Variants in AFG2A observed in about 807,000 individuals in gnomAD.
AFG2A encodes AAA ATPase AFG2A, also known as ATPase family gene 2 protein homolog A.
chr4:122,987,481 A>G, the AFG2A span, among the ~76,000 whole-genome samples: 1 of 149,354 alleles, frequency 6.7e-6, no homozygotes, highest in African/African-American at 2.5e-5. Flanking sequence ...GTTTTGTAGT[A>G]CCTTTGTTCC....
chr4:123,311,042 A>G, the AFG2A span, among the ~76,000 whole-genome samples: 2 of 152,178 alleles, frequency 1.3e-5, no homozygotes, highest in Admixed American at 6.5e-5. Context: ...GAAGTTCTCT[A>G]GGTCATCCCT....
chr4:123,012,218 T>G, the AFG2A span, among the ~76,000 whole-genome samples: 1,565 of 86,700 alleles, frequency 0.018, 39 homozygotes, highest in African/African-American at 0.067. Flanking sequence ...CCCAGGAAAG[T>G]GGAGAAAGGG....
the AFG2A span, among the ~76,000 whole-genome samples, chr4:122,996,857 G>A: frequency 6.6e-5 from 10 of 152,218 alleles, no homozygotes; most frequent in South Asian, 4.1e-4. Flanking sequence ...GCTGGAGAAC[G>A]TAGAGTCCCA....
At chr4:123,090,067 C>T in the AFG2A span, among the ~76,000 whole-genome samples, 3,530 of 152,298 alleles carry the variant, frequency 0.023, 136 homozygotes, top group African/African-American at 0.08. Flanking sequence ...TACCTACCTT[C>T]TGATGTGTTT....
chr4:122,941,470 T>C, the AFG2A span, among the ~76,000 whole-genome samples: 14 of 152,256 alleles, frequency 9.2e-5, no homozygotes, highest in African/African-American at 3.1e-4. Flanking sequence ...TTGTGATTTT[T>C]GTACATTGAT....
the AFG2A span, among the ~76,000 whole-genome samples, chr4:122,939,653 T>G: frequency 6.6e-6 from 1 of 152,098 alleles, no homozygotes; most frequent in Non-Finnish European, 1.5e-5. Flanking sequence ...TTTTATACTT[T>G]AAGTTTTAGG....
chr4:123,077,241 G>A, the AFG2A span, among the ~76,000 whole-genome samples: 1 of 151,954 alleles, frequency 6.6e-6, no homozygotes, highest in African/African-American at 2.4e-5. Flanking sequence ...TAGAGATGGG[G>A]TTTCACCATG....
the AFG2A span, among the ~76,000 whole-genome samples, chr4:122,958,165 A>G: frequency 6.6e-6 from 1 of 152,200 alleles, no homozygotes; most frequent in African/African-American, 2.4e-5. Context: ...TGAGCAAGTT[A>G]TATGTTCTGT....
chr4:123,257,104 T>C, the AFG2A span, among the ~76,000 whole-genome samples: 1 of 152,206 alleles, frequency 6.6e-6, no homozygotes, highest in Non-Finnish European at 1.5e-5. Context: ...CCGAAGAGAT[T>C]ACCATATGAC....
At chr4:123,020,808 G>T in the AFG2A span, among the ~76,000 whole-genome samples, 1 of 152,150 alleles carries the variant, frequency 6.6e-6, no homozygotes, top group Non-Finnish European at 1.5e-5. Context: ...CTGTCATACA[G>T]AGTGTTGTGC....
chr4:123,267,320 A>T, the AFG2A span, among the ~76,000 whole-genome samples: 1 of 152,018 alleles, frequency 6.6e-6, no homozygotes, highest in Non-Finnish European at 1.5e-5. Context: ...CAAATTTCCA[A>T]AGATTATTTC....
chr4:123,309,822 C>T, the AFG2A span, among the ~76,000 whole-genome samples: 2 of 152,178 alleles, frequency 1.3e-5, no homozygotes, highest in Non-Finnish European at 2.9e-5. Flanking sequence ...TGGTCCCAAG[C>T]ATTTCAGATA....
At chr4:122,949,634 C>A in the AFG2A span, among the ~76,000 whole-genome samples, 1 of 152,146 alleles carries the variant, frequency 6.6e-6, no homozygotes, top group Non-Finnish European at 1.5e-5. Context: ...CAAGTCCTGG[C>A]CATTTAACAA....
At chr4:123,142,663 C>G in the AFG2A span, among the ~76,000 whole-genome samples, 2 of 152,028 alleles carry the variant, frequency 1.3e-5, no homozygotes, top group Admixed American at 1.3e-4. Flanking sequence ...AATGGTAGTT[C>G]TTTAGATGCT....
At chr4:123,255,467 C>A in the AFG2A span, among the ~76,000 whole-genome samples, 4 of 151,096 alleles carry the variant, frequency 2.6e-5, no homozygotes, top group Non-Finnish European at 4.4e-5. Flanking sequence ...TGCACTCCAG[C>A]CTGGGTGGCA....
the AFG2A span, among the ~76,000 whole-genome samples, chr4:123,148,833 AT>A: frequency 6.7e-6 from 1 of 149,548 alleles, no homozygotes; most frequent in Non-Finnish European, 1.5e-5. Flanking sequence ...CAGTGGCACG[AT>A]CTTGGCTCAC....
the AFG2A span, among the ~76,000 whole-genome samples, chr4:123,272,368 C>T: frequency 6.6e-6 from 1 of 152,080 alleles, no homozygotes; most frequent in African/African-American, 2.4e-5. Flanking sequence ...ATATCATGAA[C>T]ATATAAAGTT....
chr4:123,307,690 C>T, the AFG2A span, among the ~76,000 whole-genome samples: 1 of 152,166 alleles, frequency 6.6e-6, no homozygotes, highest in Non-Finnish European at 1.5e-5. Context: ...AAATAATATA[C>T]AGTCATGCAC....
At chr4:122,951,666 C>G in the AFG2A span, among the ~76,000 whole-genome samples, 1 of 152,160 alleles carries the variant, frequency 6.6e-6, no homozygotes, top group Non-Finnish European at 1.5e-5. Context: ...AGAGGAGGAC[C>G]ATCCTGGCAG....
Sources: gnomAD v4.1 joint callset for allele counts (sites outside exome capture counted in the v4.1 genomes callset) on GRCh38, gnomAD v4.1.1 for gene constraint, MANE v1.5 for transcripts, NCBI Gene and HGNC (gene_info 2026-07-23, HGNC 2026-07-21) for gene names.